The following GMDS variants were observed in gnomAD, a reference collection of about 807,000 sequenced individuals.
GMDS encodes the protein GDP-mannose 4,6-dehydratase.
In GMDS, 20 loss-of-function variants were observed where a neutral mutation model predicts 49.9. The ratio of observed to expected loss-of-function variants is 0.40; its 90% CI spans 0.28 to 0.58. The LOEUF (loss-of-function observed/expected upper bound fraction) is 0.58. Ranked by LOEUF, GMDS falls within the 20% of genes least tolerant of loss-of-function variation. The pLI is 0.42. For missense variants in GMDS, 362 were observed against 481.4 expected (o/e 0.75, Z 2.32); for synonymous variants, 177 against 178.6 (o/e 0.99, Z 0.07).
chr6:2,051,901 G>A (rs952232440), intron 4 of GMDS, among the ~76,000 whole-genome samples: 11 of 152,028 alleles, frequency 7.2e-5, no homozygotes, highest in African/African-American at 2.2e-4. Flanking sequence ...GGCAGATCAC[G>A]AGGTCAGGAG....
rs1763288191 is a variant in GMDS at position 1,640,262 on chromosome 6, CTCT to C, written c.988-15725_988-15723del. On this transcript the variant is annotated intron_variant, in intron 9 of 10. Coordinates refer to ENST00000380815, the MANE Select transcript of GMDS (RefSeq NM_001500.4). The surrounding 1 kb of genome is among the most constrained non-coding windows in gnomAD (Gnocchi z 4.0). ...TTCCCGACAGCCTGGAATATGCTTC[CTCT>C]TCTTCACTGAAACTGTGCCCGTGGA... is the stretch of plus-strand genomic sequence containing the variant. Among the ~76,000 whole-genome samples, 1 of 152,194 alleles carries C rather than the reference CTCT, an allele frequency of 6.6e-6. No homozygotes were observed. Among genetic ancestry groups the C allele is most frequent in the African/African-American group, 2.4e-5 (1 of 41,426 alleles).
intron 1 of GMDS, among the ~76,000 whole-genome samples, chr6:2,170,550 C>T (rs1777945256): frequency 6.6e-6 from 1 of 151,768 alleles, no homozygotes; most frequent in South Asian, 2.1e-4. Flanking sequence ...TCACTTGAGC[C>T]CAGGAGTTCA....
intron 9 of GMDS, among the ~76,000 whole-genome samples, chr6:1,696,017 G>A (rs1005539685): frequency 8.0e-5 from 12 of 150,202 alleles, no homozygotes; most frequent in African/African-American, 2.5e-4. Context: ...CAGCTTTGAC[G>A]ATGAAGCTAC....
intron 1 of GMDS, among the ~76,000 whole-genome samples, chr6:2,166,545 C>G (rs1777679195): frequency 6.6e-6 from 1 of 152,126 alleles, no homozygotes; most frequent in Non-Finnish European, 1.5e-5. Context: ...GACTCTGAAC[C>G]CTAGAACCTT....
chr6:1,714,402 TA>T (rs111543492), intron 9 of GMDS, among the ~76,000 whole-genome samples: 6,602 of 141,916 alleles, frequency 0.047, 415 homozygotes, highest in African/African-American at 0.15. Context: ...GCACTTACAT[TA>T]AAAAAAAAAA....
At chr6:1,629,595 G>C (rs1380769041) in intron 9 of GMDS, among the ~76,000 whole-genome samples, 1 of 152,184 alleles carries the variant, frequency 6.6e-6, no homozygotes, top group Non-Finnish European at 1.5e-5. Flanking sequence ...CCCTTATGGA[G>C]GCTGCCGTGT....
At chr6:1,821,620 T>A (rs933090975) in intron 7 of GMDS, among the ~76,000 whole-genome samples, 1 of 40,400 alleles carries the variant, frequency 2.5e-5, no homozygotes, top group African/African-American at 8.1e-5. Context: ...TGTTTTTTTT[T>A]TTTTTTTTTT....
At chr6:2,237,648 A>G (rs1055898282) in intron 1 of GMDS, among the ~76,000 whole-genome samples, 2 of 150,224 alleles carry the variant, frequency 1.3e-5, no homozygotes, top group Admixed American at 6.7e-5. Context: ...CAGCCTCCCG[A>G]GTACTTGAGA....
chr6:2,074,967 T>C (rs1331801015), intron 4 of GMDS, among the ~76,000 whole-genome samples: 1 of 152,246 alleles, frequency 6.6e-6, no homozygotes, highest in East Asian at 1.9e-4. Flanking sequence ...TATGTAGATT[T>C]ATTTCTGGGT....
intron 2 of GMDS, among the ~76,000 whole-genome samples, chr6:2,123,609 C>T (rs773009983): frequency 5.3e-5 from 8 of 152,362 alleles, no homozygotes; most frequent in Non-Finnish European, 1.0e-4. Flanking sequence ...AAAACCAACA[C>T]TTTGTACTAT....
At chr6:2,231,046 C>T (rs1375672627) in intron 1 of GMDS, among the ~76,000 whole-genome samples, 3 of 148,460 alleles carry the variant, frequency 2.0e-5, no homozygotes, top group Admixed American at 1.4e-4. Context: ...AGAAAGAGTG[C>T]CTGGTCAAAA....
chr6:2,062,720 T>C (rs1376950884), intron 4 of GMDS, among the ~76,000 whole-genome samples: 2 of 152,226 alleles, frequency 1.3e-5, no homozygotes, highest in Non-Finnish European at 2.9e-5. Context: ...CTTGATTTTA[T>C]CTTAAAAAGA....
intron 9 of GMDS, among the ~76,000 whole-genome samples, chr6:1,724,528 G>C (rs1025984700): frequency 1.3e-5 from 2 of 152,150 alleles, no homozygotes; most frequent in African/African-American, 4.8e-5. Context: ...AACTATTTTG[G>C]TGTCAGAGAG....
intron 1 of GMDS, among the ~76,000 whole-genome samples, chr6:2,136,917 A>G (rs1045298936): frequency 6.6e-6 from 1 of 151,912 alleles, no homozygotes; most frequent in African/African-American, 2.4e-5. Context: ...AAAAAAAAAA[A>G]AAAAAAAGAA....
chr6:1,845,375 A>T (rs1416631061), intron 7 of GMDS, among the ~76,000 whole-genome samples: 1 of 152,238 alleles, frequency 6.6e-6, no homozygotes, highest in African/African-American at 2.4e-5. Context: ...TGTACCATTT[A>T]TCAGTGATGA....
intron 9 of GMDS, among the ~76,000 whole-genome samples, chr6:1,716,795 ACTCT>A (rs1029191191): frequency 6.6e-6 from 1 of 151,730 alleles, no homozygotes; most frequent in South Asian, 2.1e-4. Flanking sequence ...CCGTCCCCCA[ACTCT>A]CTCTTTTAAT....
At chr6:2,217,169 C>A (rs1185848261) in intron 1 of GMDS, among the ~76,000 whole-genome samples, 1 of 152,064 alleles carries the variant, frequency 6.6e-6, no homozygotes. Flanking sequence ...GGACAGAGAT[C>A]ATCAGACAGC....
chr6:1,742,751 TC>T (rs1415662678), intron 7 of GMDS, among the ~76,000 whole-genome samples, 165 bp from the exon 8 acceptor site: 1 of 152,168 alleles, frequency 6.6e-6, no homozygotes, highest in East Asian at 1.9e-4. Flanking sequence ...TTACTGAGTA[TC>T]CGAATAACAT....
At chr6:2,084,148 T>C (rs981250404) in intron 4 of GMDS, among the ~76,000 whole-genome samples, 8 of 152,240 alleles carry the variant, frequency 5.3e-5, no homozygotes, top group Non-Finnish European at 8.8e-5. Context: ...AAATTACAAT[T>C]GATTACATAA....
Sources: gnomAD v4.1 joint callset for allele counts (sites outside exome capture counted in the v4.1 genomes callset) on GRCh38, gnomAD v4.1.1 for gene constraint, Gnocchi (gnomAD v3.1) non-coding constraint, MANE v1.5 for transcripts, NCBI Gene and HGNC (gene_info 2026-07-23, HGNC 2026-07-21) for gene names.